GFRA1: variants seen among roughly 807,000 people sequenced by gnomAD.
GFRA1 encodes GDNF family receptor alpha 1, also known as GDNF family receptor alpha-1.
GFRA1 carries 16 observed loss-of-function variants against 51.6 expected under a neutral mutation model. The ratio of observed to expected loss-of-function variants is 0.31; its 90% CI spans 0.21 to 0.47. The LOEUF is 0.47. GFRA1 is among the 20% of genes least tolerant of loss of function. The probability of loss-of-function intolerance (pLI) is 1.00; values close to 1 mark genes in which losing one functional copy is unlikely to be tolerated. For synonymous variants in GFRA1, 270 were observed against 241.3 expected, an observed-to-expected ratio of 1.12 and a Z score of -1.10; for missense variants, 530 against 594.3, an observed-to-expected ratio of 0.89 and a Z score of 1.13.
intron 5 of GFRA1, among the ~76,000 whole-genome samples, chr10:116,157,117 T>C (rs1385430806): frequency 6.6e-6 from 1 of 152,172 alleles, no homozygotes; most frequent in African/African-American, 2.4e-5. Flanking sequence ...CATTAAGAAT[T>C]TAAAGGAAAG....
intron 4 of GFRA1, among the ~76,000 whole-genome samples, chr10:116,254,690 C>G (rs561328093): frequency 6.6e-6 from 1 of 152,272 alleles, no homozygotes; most frequent in African/African-American, 2.4e-5. Context: ...CTCCTGGGAA[C>G]CAGTATAGCT....
rs1421931468 is a variant in GFRA1, at chr10:116,271,513, T to C, written c.41-398A>G. ...AACTCAGGCGCTTTCCGAGGAGAAG[T>C]GCGGCGGCGGACTGGGCACCGGGCG... On this transcript the variant is annotated intron_variant, in intron 2 of 10. Coordinates refer to ENST00000355422, the MANE Select transcript of GFRA1 (RefSeq NM_005264.8). Among the ~76,000 whole-genome samples the C allele has an allele frequency of 3.9e-5, 6 of 152,008 alleles. No individual in the cohort carries two copies. In the East Asian group the frequency reaches 9.9e-4, roughly 25 times the overall value.
At chr10:116,271,758 A>T (rs1381973849) in intron 2 of GFRA1, among the ~76,000 whole-genome samples, 4 of 152,174 alleles carry the variant, frequency 2.6e-5, no homozygotes, top group African/African-American at 7.2e-5. Context: ...AAGTTGGGTC[A>T]TTAAAAACCA....
intron 10 of GFRA1, among the ~76,000 whole-genome samples, chr10:116,065,138 C>T (rs1955039387): frequency 1.3e-5 from 2 of 152,080 alleles, no homozygotes; most frequent in East Asian, 1.9e-4. Flanking sequence ...GGCCCACACA[C>T]AGCAGAATTT....
At chr10:116,118,906 A>G (rs1957536334) in intron 6 of GFRA1, among the ~76,000 whole-genome samples, 1 of 152,188 alleles carries the variant, frequency 6.6e-6, no homozygotes, top group African/African-American at 2.4e-5. Context: ...GAGGGAGAAC[A>G]GGGAGTAAAA....
chr10:116,165,388 A>C (rs1042525252), intron 5 of GFRA1, among the ~76,000 whole-genome samples: 1 of 146,604 alleles, frequency 6.8e-6, no homozygotes, highest in Non-Finnish European at 1.5e-5. Context: ...CAAGGGAAAA[A>C]ACCCTTATTC....
At chr10:116,128,442 T>G (rs989399682) in intron 5 of GFRA1, among the ~76,000 whole-genome samples, 2 of 152,086 alleles carry the variant, frequency 1.3e-5, no homozygotes, top group South Asian at 4.1e-4. Context: ...ATTGGCCTAG[T>G]GTGCCAGGTG....
At chr10:116,068,810 G>A in intron 9 of GFRA1, among the ~76,000 whole-genome samples, 1 of 151,914 alleles carries the variant, frequency 6.6e-6, no homozygotes, top group East Asian at 1.9e-4. Context: ...AATGCAAACA[G>A]ATAAAATTGC....
chr10:116,133,003 A>G (rs1958170015), intron 5 of GFRA1, among the ~76,000 whole-genome samples: 2 of 152,106 alleles, frequency 1.3e-5, no homozygotes. Context: ...AGAGCTCAGC[A>G]TTAAAATGTT....
At chr10:116,217,191 G>A (rs1965623023) in intron 4 of GFRA1, among the ~76,000 whole-genome samples, 2 of 152,174 alleles carry the variant, frequency 1.3e-5, no homozygotes, top group African/African-American at 4.8e-5. Flanking sequence ...ATGATCCAGT[G>A]CTGTGGCACC....
chr10:116,065,863 T>C (rs1231916532), intron 9 of GFRA1, among the ~76,000 whole-genome samples: 1 of 152,202 alleles, frequency 6.6e-6, no homozygotes, highest in African/African-American at 2.4e-5. Flanking sequence ...ACGTACTCAA[T>C]ATTAATAAGA....
intron 5 of GFRA1, among the ~76,000 whole-genome samples, chr10:116,150,070 A>G (rs1236877959): frequency 6.6e-6 from 1 of 152,120 alleles, no homozygotes; most frequent in Non-Finnish European, 1.5e-5. Context: ...CTGTTCCTCC[A>G]TTTTCAAAGC....
intron 5 of GFRA1, among the ~76,000 whole-genome samples, chr10:116,205,970 A>ACG (rs1555167784): frequency 2.0e-5 from 3 of 149,564 alleles, no homozygotes; most frequent in African/African-American, 7.4e-5. Context: ...ACACACACAC[A>ACG]AAGTGAATCT....
chr10:116,062,481 AC>A lies in GFRA1; in HGVS notation c.*1916del. On this transcript the variant is annotated 3_prime_UTR_variant, in exon 11 of 11. Coordinates refer to ENST00000355422, the MANE Select transcript of GFRA1 (RefSeq NM_005264.8). ...TACATTTGTGTTGATTAACATTTGG[AC>A]ACAAATATACTTTTAACACCAATAG... 1 of 189,632 alleles carries A rather than the reference AC, an allele frequency of 5.3e-6. No individual in the cohort carries two copies. Among genetic ancestry groups the A allele is most frequent in the Non-Finnish European group, 1.1e-5 (1 of 93,522 alleles). 11.7% of individuals were successfully genotyped at this position (189,632 alleles called of 1,614,324 possible). A position where few individuals can be genotyped will look rare whatever the true frequency, so the allele number is the denominator to read the frequency against.
intron 4 of GFRA1, among the ~76,000 whole-genome samples, chr10:116,256,459 C>T (rs1479417756): frequency 1.3e-5 from 2 of 152,186 alleles, no homozygotes; most frequent in African/African-American, 4.8e-5. Flanking sequence ...CCTCTTCCCA[C>T]CCCAGCCCCA....
At chr10:116,244,062 G>C (rs922719314) in intron 4 of GFRA1, among the ~76,000 whole-genome samples, 20 of 151,992 alleles carry the variant, frequency 1.3e-4, no homozygotes, top group African/African-American at 4.1e-4. Flanking sequence ...GAATACTAGA[G>C]AAAATCACTG....
intron 4 of GFRA1, among the ~76,000 whole-genome samples, chr10:116,237,105 C>T (rs1464912392): frequency 2.0e-5 from 3 of 152,262 alleles, no homozygotes; most frequent in African/African-American, 7.2e-5. Context: ...CATACAATTA[C>T]TATTATTATT....
intron 5 of GFRA1, among the ~76,000 whole-genome samples, chr10:116,149,143 T>C (rs533797648): frequency 1.3e-5 from 2 of 152,308 alleles, no homozygotes; most frequent in African/African-American, 4.8e-5. Flanking sequence ...AAACAGGAGA[T>C]GTTATAGCCA....
chr10:116,141,254 G>A (rs180968023), intron 5 of GFRA1, among the ~76,000 whole-genome samples: 2 of 152,300 alleles, frequency 1.3e-5, no homozygotes, highest in East Asian at 1.9e-4. Context: ...ATGCAGGTAC[G>A]TGATGTTTAA....
Sources: allele counts gnomAD v4.1 joint callset (sites outside exome capture counted in the v4.1 genomes callset), GRCh38; gene constraint gnomAD v4.1.1; transcripts MANE v1.5; gene names NCBI Gene and HGNC (gene_info 2026-07-23, HGNC 2026-07-21).